NUP205: variants seen among roughly 807,000 people sequenced by gnomAD.
The protein encoded by NUP205 is nucleoporin 205.
Under a neutral mutation model 253.8 loss-of-function variants are expected in NUP205, and 76 were observed. The observed-to-expected ratio is 0.30, with a 90% confidence interval of 0.25 to 0.36. The LOEUF (loss-of-function observed/expected upper bound fraction) is 0.36. NUP205 is among the 10% of genes least tolerant of loss of function. The pLI, the probability that NUP205 is intolerant of heterozygous loss-of-function variation, is 1.00. For missense variants in NUP205, 2,162 were observed against 2,425.5 expected (o/e 0.89, Z 2.28); for synonymous variants, 832 against 850.1 (o/e 0.98, Z 0.37).
intron 7 of NUP205, among the ~76,000 whole-genome samples, chr7:135,582,640 T>A (rs578166321): frequency 1.3e-5 from 2 of 152,210 alleles, no homozygotes; most frequent in African/African-American, 4.8e-5. Flanking sequence ...ATTCTTTGAT[T>A]TTTTTGTAGA....
intron 17 of NUP205, among the ~76,000 whole-genome samples, chr7:135,602,376 C>A (rs1793985160): frequency 7.2e-5 from 11 of 152,166 alleles, no homozygotes; most frequent in Admixed American, 6.5e-4. Flanking sequence ...CTGAATAATT[C>A]TTTGTTGTGG....
At chr7:135,562,319 C>A (rs551041449) in intron 1 of NUP205, among the ~76,000 whole-genome samples, 1 of 151,770 alleles carries the variant, frequency 6.6e-6, no homozygotes, top group African/African-American at 2.4e-5. Context: ...GCCTTAGCCT[C>A]CCTAAGTAGC....
In NUP205 at chr7:135,628,624, T is replaced by C. The variant is rs539804550; in HGVS notation, c.4932+513T>C. On this transcript the variant is annotated intron_variant, in intron 34 of 42. Coordinates refer to ENST00000285968, the MANE Select transcript of NUP205 (RefSeq NM_015135.3). ...GAAATTAGTTTTATTTTGATTACTT[T>C]TCAGTGAAACACTAACATTCCAACA... 1.6e-4 allele frequency among the ~76,000 whole-genome samples: 24 copies of C among 152,388 alleles called. 1 individual carries two copies. The South Asian group carries it at 5.0e-3, about 32-fold the overall frequency.
At chr7:135,590,846 C>G (rs111800904) in intron 10 of NUP205, among the ~76,000 whole-genome samples, 46 of 152,210 alleles carry the variant, frequency 3.0e-4, no homozygotes, top group African/African-American at 1.1e-3. Context: ...ATTTTTAAAC[C>G]TAGCTGATTT....
chr7:135,584,631 C>T (rs1037142679), intron 7 of NUP205, among the ~76,000 whole-genome samples: 2 of 152,154 alleles, frequency 1.3e-5, no homozygotes, highest in Non-Finnish European at 2.9e-5. Context: ...AATACACATT[C>T]AGAGTATATT....
intron 9 of NUP205, 81 bp downstream of exon 9, chr7:135,587,772 A>G: frequency 1.3e-6 from 2 of 1,536,986 alleles, no homozygotes; most frequent in Non-Finnish European, 1.8e-6. Flanking sequence ...TTTCAGGTGT[A>G]ATACTTTAAA....
chr7:135,635,719 C>A (rs1020213156), intron 36 of NUP205, 62 bp downstream of exon 36: 15 of 916,844 alleles, frequency 1.6e-5, no homozygotes, highest in Non-Finnish European at 2.5e-5. Context: ...ATACCATCCT[C>A]CCCATTGTGC....
At chr7:135,597,891 T>C (rs747056979) in intron 14 of NUP205, 107 bp from the exon 15 acceptor site, 4 of 828,360 alleles carry the variant, frequency 4.8e-6, no homozygotes, top group Non-Finnish European at 7.8e-6. Flanking sequence ...ATCTGTTATA[T>C]CTTTTGGTGT....
At chr7:135,570,128 C>G (rs898859874) in intron 1 of NUP205, among the ~76,000 whole-genome samples, 6 of 147,912 alleles carry the variant, frequency 4.1e-5, no homozygotes, top group Non-Finnish European at 7.4e-5. Context: ...TTCCCTTGTT[C>G]CAGTAGACAT....
intron 22 of NUP205, among the ~76,000 whole-genome samples, chr7:135,612,272 T>C (rs1030423002): frequency 6.6e-6 from 1 of 152,126 alleles, no homozygotes; most frequent in African/African-American, 2.4e-5. Flanking sequence ...CTAGGATTCC[T>C]GCAAGTGTCT....
At position 135,645,633 on chromosome 7, in the gene NUP205, C is replaced by T. The variant is rs777371548; in HGVS notation, c.5812+37C>T. On this transcript the variant is annotated intron_variant, in intron 41 of 42. Transcript: ENST00000285968. Reference sequence around the variant, plus strand: ...GCTAAAAATTAATGAACCATAAATACCTATTTGTGCCTTGAAAAGCTAGTA... The same window carrying T: ...GCTAAAAATTAATGAACCATAAATATCTATTTGTGCCTTGAAAAGCTAGTA... 60 of 1,580,908 alleles carry T rather than the reference C, an allele frequency of 3.8e-5. No homozygotes were observed. In the Middle Eastern group the frequency reaches 1.0e-3, roughly 27 times the overall value.
intron 36 of NUP205, among the ~76,000 whole-genome samples, chr7:135,636,194 T>G (rs1307462690): frequency 2.0e-5 from 3 of 152,200 alleles, no homozygotes; most frequent in African/African-American, 4.8e-5. Flanking sequence ...GGGAGCCTCT[T>G]GGCCTGGTTT....
Position 135,602,813 on chromosome 7 carries a change from C to A in NUP205, c.2521C>A (p.His841Asn), listed in dbSNP as rs1312622668. The A allele has an allele frequency of 4.4e-6, 7 of 1,605,068 alleles. No individual in the cohort carries two copies. The highest frequency in any genetic ancestry group is 5.9e-6 in the Non-Finnish European group (7 of 1,177,942). Residue 841 changes from histidine to asparagine, a missense_variant, in exon 18 of 43, where the codon CAC (histidine) becomes AAC (asparagine). Physicochemically the swap from His to Asn is moderately conservative, Grantham distance 68. Transcript: ENST00000285968. ...DTYAPFPGKK[H>N]LEKAVQHCLA... ...TTATTTTTGGTTGATAGGGAAAAAA[C>A]ACCTGGAGAAAGCAGTACAGCATTG...
chr7:135,612,029 A>G (rs1485052293), intron 22 of NUP205, among the ~76,000 whole-genome samples: 1 of 152,116 alleles, frequency 6.6e-6, no homozygotes. Context: ...CTGAGGCGGG[A>G]GAATGGCATG....
At chr7:135,596,201 T>G (rs2129490399) in intron 13 of NUP205, among the ~76,000 whole-genome samples, 1 of 152,354 alleles carries the variant, frequency 6.6e-6, no homozygotes, top group South Asian at 2.1e-4. Context: ...CCCAAAGTAC[T>G]GGGATTACAG....
chr7:135,578,669 T>G, intron 6 of NUP205, 82 bp from the exon 7 acceptor site: 1 of 1,000,756 alleles, frequency 1.0e-6, no homozygotes, highest in Non-Finnish European at 1.5e-6. Context: ...TCAGATTTTC[T>G]GACTTTTGGA....
intron 4 of NUP205, among the ~76,000 whole-genome samples, chr7:135,576,736 A>G (rs75134842): frequency 0.034 from 5,160 of 152,110 alleles, 117 homozygotes; most frequent in Middle Eastern, 0.096. Context: ...AGAATAATTA[A>G]CTGGGCATGA....
At position 135,616,718 on chromosome 7, in the gene NUP205, C is replaced by A; in HGVS notation, c.3524C>A (p.Ala1175Asp). 6.5e-7 allele frequency: 1 copy of A among 1,547,892 alleles called. No individual in the cohort carries two copies. The highest frequency in any genetic ancestry group is 1.2e-5 in the South Asian group (1 of 80,196). ...TCTGGGTTCCTTCACTTTGACACTG[C>A]TACAAAAGGTAATGCCCTTTGAATT... Reference protein sequence around the residue: ...SVSGFLHFDTATKVRRKILNI... With the variant: ...SVSGFLHFDTDTKVRRKILNI... Residue 1175 changes from alanine to aspartate, a missense_variant, in exon 25 of 43, where the codon GCT (alanine) becomes GAT (aspartate). By Grantham distance (126) the Ala-to-Asp change is moderately radical. Coordinates refer to ENST00000285968, the MANE Select transcript of NUP205 (RefSeq NM_015135.3).
chr7:135,628,920 A>G (rs1393104150), intron 34 of NUP205, among the ~76,000 whole-genome samples: 1 of 152,202 alleles, frequency 6.6e-6, no homozygotes, highest in African/African-American at 2.4e-5. Flanking sequence ...GTGGTCTTCA[A>G]GTTAGTACTT....
Sources: allele counts gnomAD v4.1 joint callset (sites outside exome capture counted in the v4.1 genomes callset), GRCh38; gene constraint gnomAD v4.1.1; transcripts MANE v1.5; gene names NCBI Gene and HGNC (gene_info 2026-07-23, HGNC 2026-07-21).